The following CSMD1 variants were observed in gnomAD, a reference collection of about 807,000 sequenced individuals.
CSMD1 encodes the protein CUB and sushi domain-containing protein 1.
CSMD1 carries 213 observed loss-of-function variants against 417.5 expected under a neutral mutation model. The ratio of observed to expected loss-of-function variants is 0.51; its 90% CI spans 0.46 to 0.57. The LOEUF (loss-of-function observed/expected upper bound fraction) is 0.57, where lower values mean the gene tolerates loss of function less well. Ranked by LOEUF, CSMD1 falls within the 20% of genes least tolerant of loss-of-function variation. CSMD1 has a pLI of 0.00. For missense variants in CSMD1, 6,923 were observed against 4,529.7 expected (o/e 1.53, Z -15.17); for synonymous variants, 2,862 against 1,736.8 (o/e 1.65, Z -16.11).
chr8:4,490,585 A>C (rs1302726796), intron 2 of CSMD1, among the ~76,000 whole-genome samples: 1 of 152,178 alleles, frequency 6.6e-6, no homozygotes, highest in Admixed American at 6.5e-5. Flanking sequence ...CTCATCAAGG[A>C]GATCACAAAC....
At chr8:3,945,852 G>A (rs904410145) in intron 5 of CSMD1, among the ~76,000 whole-genome samples, 1 of 152,056 alleles carries the variant, frequency 6.6e-6, no homozygotes, top group African/African-American at 2.4e-5. Flanking sequence ...ATTGATTGTA[G>A]TGAATCATTA....
chr8:4,422,739 A>G (rs1261431019), intron 2 of CSMD1, among the ~76,000 whole-genome samples: 1 of 152,110 alleles, frequency 6.6e-6, no homozygotes, highest in African/African-American at 2.4e-5. Flanking sequence ...GAAAAAAGAA[A>G]AATAAAATAA....
chr8:4,028,759 G>C (rs1025924831), intron 4 of CSMD1, among the ~76,000 whole-genome samples: 4 of 152,140 alleles, frequency 2.6e-5, no homozygotes, highest in Admixed American at 6.5e-5. Context: ...CTTGTTGTGA[G>C]AGTTAAATGG....
At chr8:3,336,303 C>G (rs80003788) in intron 23 of CSMD1, among the ~76,000 whole-genome samples, 4,206 of 152,260 alleles carry the variant, frequency 0.028, 200 homozygotes, top group African/African-American at 0.096. Flanking sequence ...ACCCTGAGAA[C>G]TGTCTCCACT....
At chr8:3,320,179 A>T (rs954175929) in intron 23 of CSMD1, among the ~76,000 whole-genome samples, 1 of 152,162 alleles carries the variant, frequency 6.6e-6, no homozygotes, top group African/African-American at 2.4e-5. Flanking sequence ...CAAAATAATG[A>T]CGATTATAAG....
At chr8:3,007,902 C>G (rs1260853561) in intron 52 of CSMD1, among the ~76,000 whole-genome samples, 1 of 151,112 alleles carries the variant, frequency 6.6e-6, no homozygotes, top group Non-Finnish European at 1.5e-5. Context: ...GCACATGTAC[C>G]CTAAAACTTA....
At chr8:2,976,905 T>G (rs2128936407) in intron 55 of CSMD1, among the ~76,000 whole-genome samples, 1 of 152,190 alleles carries the variant, frequency 6.6e-6, no homozygotes, top group African/African-American at 2.4e-5. Context: ...TAAAATACAC[T>G]GACAATAAAG....
At chr8:3,148,396 A>C (rs1229323297) in intron 40 of CSMD1, among the ~76,000 whole-genome samples, 1 of 152,188 alleles carries the variant, frequency 6.6e-6, no homozygotes. Flanking sequence ...GTTCAGAGAA[A>C]CAAAAATGAG....
At chr8:3,317,402 A>G (rs1168868602) in intron 23 of CSMD1, among the ~76,000 whole-genome samples, 1 of 152,216 alleles carries the variant, frequency 6.6e-6, no homozygotes, top group Non-Finnish European at 1.5e-5. Context: ...ATAGGCATAG[A>G]CAGTATGAGT....
intron 3 of CSMD1, among the ~76,000 whole-genome samples, chr8:4,153,092 G>C (rs918231332): frequency 2.6e-5 from 4 of 152,108 alleles, no homozygotes; most frequent in African/African-American, 9.7e-5. Flanking sequence ...TTTCAGATGT[G>C]TAATTAATGT....
chr8:3,850,745 A>C (rs1460853904), intron 5 of CSMD1, among the ~76,000 whole-genome samples: 1 of 152,122 alleles, frequency 6.6e-6, no homozygotes, highest in Non-Finnish European at 1.5e-5. Flanking sequence ...AAAAAATTGA[A>C]ATTCGCATTT....
Position 3,968,025 on chromosome 8 carries a change from AAATTAC to A in CSMD1, c.818+29872_818+29877del. Among the ~76,000 whole-genome samples, 4 of 149,254 alleles carry A rather than the reference AAATTAC, an allele frequency of 2.7e-5. No individual in the cohort carries two copies. In the South Asian group the frequency reaches 8.5e-4, roughly 32 times the overall value. ...TGCTTAAAAAAAAAAAAAAAAAAAA[AAATTAC>A]AAAAAATTAGCCGGGAGTGGTGGCG... On this transcript the variant is annotated intron_variant, in intron 5 of 69. Transcript: ENST00000635120.
chr8:4,282,030 T>C (rs1235864652), intron 3 of CSMD1, among the ~76,000 whole-genome samples: 1 of 152,232 alleles, frequency 6.6e-6, no homozygotes, highest in Non-Finnish European at 1.5e-5. Flanking sequence ...GTGATTAGCC[T>C]TTGTTATAAA....
chr8:4,495,364 A>C (rs927399294), intron 2 of CSMD1, among the ~76,000 whole-genome samples: 3 of 152,146 alleles, frequency 2.0e-5, no homozygotes, highest in African/African-American at 7.2e-5. Flanking sequence ...TCACGAAGTC[A>C]AGGGTTCGAG....
intron 41 of CSMD1, among the ~76,000 whole-genome samples, chr8:3,124,555 G>C (rs1432071742): frequency 6.6e-6 from 1 of 152,202 alleles, no homozygotes; most frequent in African/African-American, 2.4e-5. Flanking sequence ...AAAGAGTTCA[G>C]TGTCTGGGAT....
At chr8:4,426,944 G>T (rs974215950) in intron 2 of CSMD1, among the ~76,000 whole-genome samples, 3 of 151,934 alleles carry the variant, frequency 2.0e-5, no homozygotes, top group African/African-American at 7.2e-5. Flanking sequence ...TATGGTAGAA[G>T]TATTCGGTCA....
chr8:4,479,645 C>T (rs999707877), intron 2 of CSMD1, among the ~76,000 whole-genome samples: 1 of 152,032 alleles, frequency 6.6e-6, no homozygotes, highest in African/African-American at 2.4e-5. Flanking sequence ...CCTGTAATCC[C>T]AGCACTTTGG....
At chr8:4,569,483 G>C (rs1399554671) in intron 2 of CSMD1, among the ~76,000 whole-genome samples, 1 of 152,104 alleles carries the variant, frequency 6.6e-6, no homozygotes, top group Non-Finnish European at 1.5e-5. Context: ...TGAGGCCTCT[G>C]TTCTGTTCCA....
intron 2 of CSMD1, among the ~76,000 whole-genome samples, chr8:4,576,708 A>C (rs1195795823): frequency 6.6e-6 from 1 of 152,198 alleles, no homozygotes; most frequent in African/African-American, 2.4e-5. Flanking sequence ...AAGTCTGATA[A>C]TCTCTTTCTA....
Sources: allele counts gnomAD v4.1 joint callset (sites outside exome capture counted in the v4.1 genomes callset), GRCh38; gene constraint gnomAD v4.1.1; transcripts MANE v1.5; gene names NCBI Gene and HGNC (gene_info 2026-07-23, HGNC 2026-07-21).